TENM4: variants seen among roughly 807,000 people sequenced by gnomAD.
The protein encoded by TENM4 is teneurin transmembrane protein 4.
Under a neutral mutation model 243.3 loss-of-function variants are expected in TENM4, and 82 were observed. The observed-to-expected ratio is 0.34, with a 90% CI of 0.28 to 0.40. The LOEUF (loss-of-function observed/expected upper bound fraction) is 0.40. Among genes scored for constraint, TENM4 ranks in the 10% least tolerant of loss-of-function variants. The pLI is 1.00. For synonymous variants in TENM4, 1,412 were observed against 1,456.3 expected, an observed-to-expected ratio of 0.97 and a Z score of 0.69; for missense variants, 3,138 against 3,673.3, an observed-to-expected ratio of 0.85 and a Z score of 3.77.
chr11:79,439,025 C>G (rs895643198), intron 1 of TENM4: 1 of 151,996 alleles, frequency 6.6e-6, no homozygotes, highest in African/African-American at 2.4e-5. Context: ...ATCACAGTTC[C>G]GGGTAATCAC....
chr11:79,146,638 C>A (rs538245), intron 4 of TENM4, among the ~76,000 whole-genome samples: 55,874 of 151,876 alleles, frequency 0.37, 11,864 homozygotes, highest in Middle Eastern at 0.5. Flanking sequence ...ATTCCCTAAA[C>A]TCTGAGAAAA....
chr11:78,839,770 C>T (rs1443736209), intron 12 of TENM4, among the ~76,000 whole-genome samples: 4 of 152,178 alleles, frequency 2.6e-5, no homozygotes, highest in South Asian at 4.1e-4. Context: ...TCTTATGATG[C>T]TGTTTCTTTT....
chr11:78,868,039 G>A (rs558388125), intron 9 of TENM4, among the ~76,000 whole-genome samples: 11 of 148,244 alleles, frequency 7.4e-5, no homozygotes, highest in South Asian at 4.3e-4. Flanking sequence ...AGCTGAGTGC[G>A]TGTTATCCAA....
intron 3 of TENM4, among the ~76,000 whole-genome samples, chr11:79,173,834 CA>C (rs1863102412): frequency 6.6e-6 from 1 of 152,214 alleles, no homozygotes; most frequent in East Asian, 1.9e-4. Flanking sequence ...AACTGAAGTA[CA>C]AATTTAGCAG....
intron 18 of TENM4, among the ~76,000 whole-genome samples, chr11:78,769,539 C>T (rs1295922903): frequency 1.3e-5 from 2 of 152,180 alleles, no homozygotes; most frequent in Non-Finnish European, 2.9e-5. Flanking sequence ...TATCTCTATG[C>T]CTGGTATAGG....
intron 2 of TENM4, among the ~76,000 whole-genome samples, chr11:79,234,962 G>A (rs895095118): frequency 2.0e-5 from 3 of 152,168 alleles, no homozygotes; most frequent in East Asian, 1.9e-4. Context: ...ATTGGGCTCA[G>A]TGAAGCCACA....
intron 2 of TENM4, among the ~76,000 whole-genome samples, chr11:79,243,736 C>T (rs1855465088): frequency 6.6e-6 from 1 of 152,150 alleles, no homozygotes; most frequent in Admixed American, 6.5e-5. Context: ...ACCAGGAGAG[C>T]AAATATTTCC....
At chr11:78,984,049 C>G (rs752121691) in intron 6 of TENM4, among the ~76,000 whole-genome samples, 6 of 152,134 alleles carry the variant, frequency 3.9e-5, no homozygotes, top group African/African-American at 7.2e-5. Context: ...GCCCTGGGCT[C>G]TTCGGACTCT....
In TENM4 at chr11:78,657,347, A is replaced by G. The variant is rs898481858; in HGVS notation, c.*711T>C. 5.0e-6 allele frequency: 2 copies of G among 397,982 alleles called. No individual in the cohort carries two copies. The allele number at this position is 397,982 out of a possible 1,614,324, so 24.7% of individuals were successfully genotyped here. ...ATCCCAGCATGGGGGTGGCACCGAC[A>G]ACTACACAGGATTTGCAAAAGTGGT... On this transcript the variant is annotated 3_prime_UTR_variant, in exon 34 of 34. Transcript: ENST00000278550.
At chr11:79,425,262 G>A (rs965442844) in intron 1 of TENM4, among the ~76,000 whole-genome samples, 2 of 152,098 alleles carry the variant, frequency 1.3e-5, no homozygotes, top group African/African-American at 2.4e-5. Context: ...GGAGGACATT[G>A]AGTCCAATTT....
At chr11:78,804,440 G>T (rs664892) in intron 15 of TENM4, among the ~76,000 whole-genome samples, 4 of 152,020 alleles carry the variant, frequency 2.6e-5, no homozygotes, top group Non-Finnish European at 5.9e-5. Flanking sequence ...ATAGCTGACA[G>T]CTTTCTTGTA....
chr11:79,220,373 C>A (rs1456158804), intron 2 of TENM4, among the ~76,000 whole-genome samples: 1 of 152,180 alleles, frequency 6.6e-6, no homozygotes, highest in Non-Finnish European at 1.5e-5. Flanking sequence ...AGAGGTGGAG[C>A]TTTGGAAGCA....
chr11:79,015,816 C>T (rs1208952146), intron 6 of TENM4, among the ~76,000 whole-genome samples: 1 of 152,132 alleles, frequency 6.6e-6, no homozygotes, highest in Admixed American at 6.6e-5. Flanking sequence ...AAGGAATGGT[C>T]ATAAGTGCTC....
chr11:79,287,957 C>A (rs926066530), intron 2 of TENM4, among the ~76,000 whole-genome samples: 1 of 152,110 alleles, frequency 6.6e-6, no homozygotes, highest in Non-Finnish European at 1.5e-5. Flanking sequence ...AGCTGAATAT[C>A]TGGTACAGAA....
rs142401042 is a variant in TENM4, at chr11:79,273,766, C to T, written c.-265+23722G>A. On this transcript the variant is annotated intron_variant, in intron 2 of 33. Coordinates refer to ENST00000278550, the MANE Select transcript of TENM4 (RefSeq NM_001098816.3). ...CCTCGTTAGCAGCATCCTGTAAATG[C>T]GCTGTAAATGCCCTGAACTCCTAAA... Among the ~76,000 whole-genome samples the T allele has an allele frequency of 2.8e-3, 420 of 152,248 alleles. 2 individuals are homozygous for T. The highest frequency in any genetic ancestry group is 4.3e-3 in the Non-Finnish European group (295 of 68,018).
At chr11:79,140,582 C>T (rs117861229) in intron 4 of TENM4, among the ~76,000 whole-genome samples, 2,021 of 152,188 alleles carry the variant, frequency 0.013, 43 homozygotes, top group East Asian at 0.073. Context: ...CTCTGCCTGG[C>T]AGAAACAGGG....
At chr11:78,811,758 C>CT (rs1362338724) in intron 14 of TENM4, among the ~76,000 whole-genome samples, 3 of 152,232 alleles carry the variant, frequency 2.0e-5, no homozygotes, top group African/African-American at 7.2e-5. Context: ...CTGCTGTCTA[C>CT]TAGCCATGTG....
intron 18 of TENM4, among the ~76,000 whole-genome samples, chr11:78,766,704 C>CG (rs1856546112): frequency 1.2e-5 from 1 of 86,356 alleles, no homozygotes; most frequent in Non-Finnish European, 2.3e-5. Context: ...TCGGCTCCCC[C>CG]AATTTTTTTT....
chr11:78,757,902 C>G (rs1265595218), intron 18 of TENM4, among the ~76,000 whole-genome samples: 1 of 152,170 alleles, frequency 6.6e-6, no homozygotes, highest in African/African-American at 2.4e-5. Flanking sequence ...ATTCTCTTTA[C>G]CACATGGATG....
Sources: gnomAD v4.1 joint callset for allele counts (sites outside exome capture counted in the v4.1 genomes callset) on GRCh38, gnomAD v4.1.1 for gene constraint, MANE v1.5 for transcripts, NCBI Gene and HGNC (gene_info 2026-07-23, HGNC 2026-07-21) for gene names.